The following PCDHGB4 variants were observed in gnomAD, a reference collection of about 807,000 sequenced individuals.
The protein encoded by PCDHGB4 is protocadherin gamma-B4.
PCDHGB4 carries 38 observed loss-of-function variants against 60.5 expected under a neutral mutation model. The observed-to-expected ratio is 0.63, with a 90% CI of 0.48 to 0.82. The LOEUF (loss-of-function observed/expected upper bound fraction) is 0.82. PCDHGB4 is among the 40% of genes least tolerant of loss of function. The probability of loss-of-function intolerance (pLI) is 0.00; values close to 1 mark genes in which losing one functional copy is unlikely to be tolerated. For synonymous variants in PCDHGB4, 456 were observed against 509.7 expected (o/e 0.89, Z 1.42); for missense variants, 1,109 against 1,209.6 (o/e 0.92, Z 1.23).
chr5:141,404,952 G>T, intron 1 of PCDHGB4: 1 of 1,614,030 alleles, frequency 6.2e-7, no homozygotes, highest in Non-Finnish European at 8.5e-7. Flanking sequence ...ATAGCTGACA[G>T]CATCCCAGAC....
In PCDHGB4 at chr5:141,388,574, T is replaced by C. The variant is rs372294800; in HGVS notation, c.690T>C (p.Val230=). ...TAAGCAGCACTGCACAGATACACGT[T>C]CTAGTGACTGATGCCAATGATAATG... ...PPLSSTAQIH[V]LVTDANDNAP... is the part of the protein sequence containing the mutation. The change falls in exon 1 of 4, where the codon GTT becomes GTC. Residue 230 remains valine (V), a synonymous_variant. Transcript: ENST00000519479. 6.2e-7 allele frequency: 1 copy of C among 1,613,724 alleles called. No individual in the cohort carries two copies. The highest frequency in any genetic ancestry group is 2.2e-5 in the East Asian group (1 of 44,890).
At chr5:141,478,519 G>T (rs778194073) in intron 1 of PCDHGB4, 19 of 1,610,728 alleles carry the variant, frequency 1.2e-5, no homozygotes, top group Non-Finnish European at 1.6e-5. Flanking sequence ...GGCAGGTGTT[G>T]GGTGCAGAGA....
In PCDHGB4 at chr5:141,485,701, A is replaced by G. The variant is rs747748476; in HGVS notation, c.2398-9106A>G. The G allele has an allele frequency of 1.9e-6, 3 of 1,614,104 alleles. No homozygotes were observed. Among genetic ancestry groups the G allele is most frequent in the Non-Finnish European group, 2.5e-6 (3 of 1,180,010 alleles). On this transcript the variant is annotated intron_variant, in intron 1 of 3. Transcript: ENST00000519479. The surrounding 1 kb of genome is among the most constrained non-coding windows in gnomAD (Gnocchi z 5.7). ...GCAGCTATAGGCTGAGCTCCAATGAACACTTTGCACTGGATGTGAAGAAGC... is the reference window on the plus strand; with the variant it reads ...GCAGCTATAGGCTGAGCTCCAATGAGCACTTTGCACTGGATGTGAAGAAGC...
At position 141,476,606 on chromosome 5, in the gene PCDHGB4, G is replaced by T. The variant is rs2099394832; in HGVS notation, c.2398-18201G>T. The stretch of plus-strand genomic sequence containing the variant: ...GCTCGAGAGCGCGCACGATCCCGAT[G>T]TGGGAAGCAACTCTTTACAAACCTA... On this transcript the variant is annotated intron_variant, in intron 1 of 3. Transcript: ENST00000519479. The surrounding 1 kb of genome is among the most constrained non-coding windows in gnomAD (Gnocchi z 7.6). The T allele has an allele frequency of 1.9e-6, 3 of 1,614,126 alleles. No individual in the cohort carries two copies. Among genetic ancestry groups the T allele is most frequent in the Non-Finnish European group, 1.7e-6 (2 of 1,180,054 alleles).
intron 1 of PCDHGB4, among the ~76,000 whole-genome samples, chr5:141,435,286 A>G (rs1179151461): frequency 6.6e-6 from 1 of 152,194 alleles, no homozygotes; most frequent in Non-Finnish European, 1.5e-5. Context: ...CAGTATCCCA[A>G]GTCATTTCAT....
At chr5:141,445,768 T>A (rs2098476928) in intron 1 of PCDHGB4, among the ~76,000 whole-genome samples, 1 of 152,074 alleles carries the variant, frequency 6.6e-6, no homozygotes, top group Admixed American at 6.6e-5. Context: ...CTCAAGCAAT[T>A]TAAAAGGGCT....
intron 1 of PCDHGB4, among the ~76,000 whole-genome samples, chr5:141,458,821 C>T (rs1220034390): frequency 6.6e-6 from 1 of 152,146 alleles, no homozygotes; most frequent in Non-Finnish European, 1.5e-5. Flanking sequence ...CAACCTCTGC[C>T]TCCCAGGCTC....
At chr5:141,446,891 C>A (rs1457416718) in intron 1 of PCDHGB4, among the ~76,000 whole-genome samples, 1 of 152,152 alleles carries the variant, frequency 6.6e-6, no homozygotes, top group Non-Finnish European at 1.5e-5. Context: ...GGGTTCATGG[C>A]TGAGCTACTT....
At chr5:141,438,585 TAC>T (rs1561889967) in intron 1 of PCDHGB4, among the ~76,000 whole-genome samples, 141 of 61,160 alleles carry the variant, frequency 2.3e-3, no homozygotes, top group South Asian at 4.3e-3. Flanking sequence ...CATACATACA[TAC>T]ATACATATAT....
chr5:141,422,777 C>CCCTACAAT, intron 1 of PCDHGB4: 2 of 1,613,982 alleles, frequency 1.2e-6, no homozygotes, highest in Non-Finnish European at 1.7e-6. Context: ...GTTCTCTATG[C>CCCTACAAT]CCTACAATCC....
intron 2 of PCDHGB4, among the ~76,000 whole-genome samples, chr5:141,504,036 G>T (rs1472706342): frequency 6.6e-6 from 1 of 152,080 alleles, no homozygotes; most frequent in African/African-American, 2.4e-5. Flanking sequence ...ACTCATTTAG[G>T]CAACAAATAT....
chr5:141,392,096 A>G (rs2092464422), intron 1 of PCDHGB4: 1 of 152,256 alleles, frequency 6.6e-6, no homozygotes, highest in Non-Finnish European at 1.5e-5. Context: ...AGAATAATTT[A>G]AAAGCAACAA....
Position 141,415,089 on chromosome 5 carries a change from C to T in PCDHGB4, c.2397+24808C>T, listed in dbSNP as rs1159857230. 1.9e-6 allele frequency: 3 copies of T among 1,613,556 alleles called. No individual in the cohort carries two copies. In the South Asian group the frequency reaches 3.3e-5, roughly 18 times the overall value. The stretch of plus-strand genomic sequence containing the variant: ...TGCGCACGGCGCGAGCCCTGCTGGA[C>T]AGAGACGCGCTCAAGCAAAGCCTCG... On this transcript the variant is annotated intron_variant, in intron 1 of 3. Coordinates refer to ENST00000519479, the MANE Select transcript of PCDHGB4 (RefSeq NM_003736.4).
intron 1 of PCDHGB4, among the ~76,000 whole-genome samples, chr5:141,468,088 G>T (rs186503104): frequency 6.6e-6 from 1 of 152,186 alleles, no homozygotes; most frequent in East Asian, 1.9e-4. Context: ...ACTTTGGGAG[G>T]TTGAGGCAGG....
rs913767837 is a variant in PCDHGB4, at chr5:141,491,909, C to T, written c.2398-2898C>T. 8.5e-6 allele frequency: 12 copies of T among 1,403,834 alleles called. No individual in the cohort carries two copies. Among genetic ancestry groups the T allele is most frequent in the Non-Finnish European group, 1.1e-5 (12 of 1,057,326 alleles). 87.0% of individuals were successfully genotyped at this position (1,403,834 alleles called of 1,614,324 possible). A position where few individuals can be genotyped will look rare whatever the true frequency, so the allele number is the denominator to read the frequency against. Reference sequence around the variant, plus strand: ...GGGCTCCGAGCACCGGGGGTGGTGGCGACTGTGGGCGAGGGGAGGTGGGAC... The same window carrying T: ...GGGCTCCGAGCACCGGGGGTGGTGGTGACTGTGGGCGAGGGGAGGTGGGAC... On this transcript the variant is annotated intron_variant, in intron 1 of 3. Transcript: ENST00000519479. The surrounding 1 kb of genome is among the most constrained non-coding windows in gnomAD (Gnocchi z 6.9).
At chr5:141,404,524 G>C (rs368795324) in intron 1 of PCDHGB4, 3 of 1,613,938 alleles carry the variant, frequency 1.9e-6, no homozygotes, top group Non-Finnish European at 2.5e-6. Context: ...ACTATGAGCA[G>C]TTTAGAGATT....
chr5:141,419,275 G>T (rs777238100), intron 1 of PCDHGB4: 35 of 1,613,856 alleles, frequency 2.2e-5, no homozygotes, highest in Non-Finnish European at 2.9e-5. Flanking sequence ...CCTCCATAGC[G>T]CAAGTCAGTG....
intron 1 of PCDHGB4, among the ~76,000 whole-genome samples, chr5:141,467,931 T>C (rs771009105): frequency 1.3e-5 from 2 of 151,966 alleles, no homozygotes; most frequent in Non-Finnish European, 2.9e-5. Flanking sequence ...AATGCTAGGA[T>C]TACAAGCATG....
Position 141,481,770 on chromosome 5 carries a change from G to T in PCDHGB4, c.2398-13037G>T, listed in dbSNP as rs188953511. 6.1e-3 allele frequency among the ~76,000 whole-genome samples: 929 copies of T among 152,184 alleles called. 10 individuals are homozygous for T. Among genetic ancestry groups the T allele is most frequent in the African/African-American group, 0.022 (895 of 41,516 alleles). On this transcript the variant is annotated intron_variant, in intron 1 of 3. Coordinates refer to ENST00000519479, the MANE Select transcript of PCDHGB4 (RefSeq NM_003736.4). ...AGTCCAAGACCAGCCTGGCCAACAT[G>T]GTGAAACCCCGTCTCTACTAAAAAT... is the stretch of plus-strand genomic sequence containing the variant.
Sources: allele counts gnomAD v4.1 joint callset (sites outside exome capture counted in the v4.1 genomes callset), GRCh38; gene constraint gnomAD v4.1.1; non-coding constraint Gnocchi (gnomAD v3.1); transcripts MANE v1.5; gene names NCBI Gene and HGNC (gene_info 2026-07-23, HGNC 2026-07-21).